Variants in HMGCLL1 observed in about 807,000 individuals in gnomAD.
HMGCLL1 encodes the protein 3-hydroxy-3-methylglutaryl-CoA lyase like 1.
A neutral mutation model predicts 39.1 loss-of-function variants in HMGCLL1; 36 were observed. The ratio of observed to expected loss-of-function variants is 0.92; its 90% CI spans 0.71 to 1.22. The LOEUF (loss-of-function observed/expected upper bound fraction) is 1.22, where lower values mean the gene tolerates loss of function less well. HMGCLL1 is among the 50% of genes most tolerant of loss of function. HMGCLL1 has a pLI of 0.00. For missense variants in HMGCLL1, 451 were observed against 416.5 expected, an observed-to-expected ratio of 1.08 and a Z score of -0.72; for synonymous variants, 149 against 144.0, an observed-to-expected ratio of 1.03 and a Z score of -0.25.
chr6:55,597,284 A>C, the HMGCLL1 span, among the ~76,000 whole-genome samples: 1 of 152,140 alleles, frequency 6.6e-6, no homozygotes, highest in African/African-American at 2.4e-5. Flanking sequence ...ACTTTTAAAA[A>C]GATTATAAAT....
intron 5 of HMGCLL1, among the ~76,000 whole-genome samples, chr6:55,510,525 G>GTAAACTATC (rs2127434031): frequency 6.7e-6 from 1 of 150,132 alleles, no homozygotes; most frequent in South Asian, 2.1e-4. Flanking sequence ...ATCATTCTCG[G>GTAAACTATC]TAAACTATCG....
the HMGCLL1 span, among the ~76,000 whole-genome samples, chr6:55,619,229 G>A: frequency 1.3e-5 from 2 of 152,008 alleles, no homozygotes; most frequent in Non-Finnish European, 2.9e-5. Context: ...TTTGGTCTGT[G>A]CACTCATGTG....
the HMGCLL1 span, among the ~76,000 whole-genome samples, chr6:55,589,238 G>C: frequency 1.3e-5 from 2 of 151,938 alleles, no homozygotes; most frequent in Non-Finnish European, 2.9e-5. Flanking sequence ...TGGGATGCAA[G>C]GCTGGTTCAA....
At chr6:55,462,819 A>G (rs978863432) in intron 7 of HMGCLL1, among the ~76,000 whole-genome samples, 2 of 152,116 alleles carry the variant, frequency 1.3e-5, no homozygotes, top group African/African-American at 4.8e-5. Context: ...TATACATTTC[A>G]GTCAATAGGC....
At chr6:55,609,086 C>T in the HMGCLL1 span, among the ~76,000 whole-genome samples, 3,307 of 152,262 alleles carry the variant, frequency 0.022, 53 homozygotes, top group Non-Finnish European at 0.032. Flanking sequence ...TTGGTGAGCC[C>T]ACGCCACCGG....
intron 1 of HMGCLL1, among the ~76,000 whole-genome samples, chr6:55,559,815 C>A (rs1168369935): frequency 6.6e-6 from 1 of 152,180 alleles, no homozygotes; most frequent in Non-Finnish European, 1.5e-5. Flanking sequence ...AGAACACTGG[C>A]TTCCATAATG....
upstream of HMGCLL1, among the ~76,000 whole-genome samples, chr6:55,583,961 T>C (rs1413762873): frequency 5.3e-5 from 8 of 152,096 alleles, no homozygotes; most frequent in Non-Finnish European, 1.0e-4. Context: ...TTTTTTCATC[T>C]CTCATATATG....
intron 7 of HMGCLL1, among the ~76,000 whole-genome samples, chr6:55,466,379 A>ATTTGAGAATCCGCTTTGAGAATCCGC (rs1302752018): frequency 1.3e-5 from 2 of 152,180 alleles, no homozygotes; most frequent in African/African-American, 2.4e-5. Flanking sequence ...CTTTGAGCTA[A>ATTTGAGAATCCGCTTTGAGAATCCGC]TTTGAGAATC....
chr6:55,562,486 C>T (rs944271286), intron 1 of HMGCLL1, among the ~76,000 whole-genome samples: 3 of 152,052 alleles, frequency 2.0e-5, no homozygotes, highest in African/African-American at 7.2e-5. Flanking sequence ...TTGGTAAAGG[C>T]CTCAACATCT....
chr6:55,585,075 T>C, the HMGCLL1 span, among the ~76,000 whole-genome samples: 1 of 152,078 alleles, frequency 6.6e-6, no homozygotes, highest in Non-Finnish European at 1.5e-5. Context: ...TTTAAAAACA[T>C]TCTTGGCATT....
chr6:55,541,993 G>A (rs1194872956), intron 2 of HMGCLL1, 67 bp downstream of exon 2: 1 of 1,117,526 alleles, frequency 8.9e-7, no homozygotes, highest in Non-Finnish European at 1.3e-6. Context: ...TGAAATCCAT[G>A]TAAATCTTTA....
chr6:55,517,829 A>T (rs957842819), intron 3 of HMGCLL1, among the ~76,000 whole-genome samples: 1 of 152,086 alleles, frequency 6.6e-6, no homozygotes, highest in Non-Finnish European at 1.5e-5. Context: ...ATAAATTTGA[A>T]ATTAAATACC....
At chr6:55,591,019 C>A in the HMGCLL1 span, among the ~76,000 whole-genome samples, 11 of 151,884 alleles carry the variant, frequency 7.2e-5, no homozygotes, top group African/African-American at 2.7e-4. Flanking sequence ...TCTGTCAAAG[C>A]CTTTGCTCTT....
intron 5 of HMGCLL1, among the ~76,000 whole-genome samples, chr6:55,504,184 A>G (rs1044803831): frequency 4.6e-5 from 7 of 151,604 alleles, no homozygotes; most frequent in African/African-American, 1.7e-4. Flanking sequence ...CTATTACCCA[A>G]ACATTTCCTG....
intron 1 of HMGCLL1, among the ~76,000 whole-genome samples, chr6:55,558,643 C>T (rs1770792640): frequency 6.6e-6 from 1 of 152,078 alleles, no homozygotes; most frequent in South Asian, 2.1e-4. Flanking sequence ...ATAACAATCA[C>T]AAATAAGCAG....
the HMGCLL1 span, among the ~76,000 whole-genome samples, chr6:55,626,967 T>G: frequency 7.0e-6 from 1 of 142,222 alleles, no homozygotes. Flanking sequence ...TTAAGGTCAA[T>G]GGGAAACTAC....
chr6:55,631,320 G>A, the HMGCLL1 span, among the ~76,000 whole-genome samples: 1 of 151,842 alleles, frequency 6.6e-6, no homozygotes, highest in Non-Finnish European at 1.5e-5. Context: ...TATATGCATA[G>A]TTGTTCAATT....
At chr6:55,569,984 G>A (rs4075699) in intron 1 of HMGCLL1, among the ~76,000 whole-genome samples, 12,193 of 152,164 alleles carry the variant, frequency 0.08, 1,075 homozygotes, top group African/African-American at 0.22. Context: ...GATTCTTCAT[G>A]CTACAGAGAT....
At chr6:55,638,219 A>G in the HMGCLL1 span, among the ~76,000 whole-genome samples, 2 of 151,952 alleles carry the variant, frequency 1.3e-5, no homozygotes, top group Non-Finnish European at 2.9e-5. Context: ...TAGCCTGGCC[A>G]ACATAGTGAA....
Sources: allele counts gnomAD v4.1 joint callset (sites outside exome capture counted in the v4.1 genomes callset), GRCh38; gene constraint gnomAD v4.1.1; transcripts MANE v1.5; gene names NCBI Gene and HGNC (gene_info 2026-07-23, HGNC 2026-07-21).